CCSER1: variants seen among roughly 807,000 people sequenced by gnomAD.
CCSER1 encodes the protein serine-rich coiled-coil domain-containing protein 1.
Under a neutral mutation model 82.0 loss-of-function variants are expected in CCSER1, and 41 were observed. The ratio of observed to expected loss-of-function variants is 0.50; its 90% CI spans 0.39 to 0.65. The LOEUF is 0.65. CCSER1 is among the 30% of genes least tolerant of loss of function. The pLI, the probability that CCSER1 is intolerant of heterozygous loss-of-function variation, is 0.00. For missense variants in CCSER1, 1,119 were observed against 1,064.2 expected, an observed-to-expected ratio of 1.05 and a Z score of -0.72; for synonymous variants, 414 against 383.9, an observed-to-expected ratio of 1.08 and a Z score of -0.92.
intron 10 of CCSER1, among the ~76,000 whole-genome samples, chr4:91,280,782 TG>T (rs1742857021): frequency 6.6e-6 from 1 of 152,120 alleles, no homozygotes; most frequent in Non-Finnish European, 1.5e-5. Flanking sequence ...GGCTCACACT[TG>T]GGCTCTGACA....
At chr4:91,512,167 G>T (rs1464198160) in intron 10 of CCSER1, among the ~76,000 whole-genome samples, 4 of 152,060 alleles carry the variant, frequency 2.6e-5, no homozygotes, top group Admixed American at 2.6e-4. Context: ...ACCGTTTTTG[G>T]GTGTGTCTAT....
chr4:90,500,583 C>A (rs1239672206), intron 5 of CCSER1, among the ~76,000 whole-genome samples: 1 of 152,024 alleles, frequency 6.6e-6, no homozygotes, highest in African/African-American at 2.4e-5. Flanking sequence ...TACCCGCCAA[C>A]TCCTCCTAAA....
At chr4:90,163,056 G>A (rs1190927705) in intron 1 of CCSER1, among the ~76,000 whole-genome samples, 1 of 152,036 alleles carries the variant, frequency 6.6e-6, no homozygotes, top group Non-Finnish European at 1.5e-5. Context: ...CATTTTGAAA[G>A]AAGAGATGCA....
intron 10 of CCSER1, among the ~76,000 whole-genome samples, chr4:91,257,278 T>C (rs193016859): frequency 6.6e-6 from 1 of 152,278 alleles, no homozygotes; most frequent in African/African-American, 2.4e-5. Context: ...AGTAGTCCAC[T>C]AACAAAGTAA....
chr4:90,838,630 T>C (rs957997022), intron 8 of CCSER1, among the ~76,000 whole-genome samples: 12 of 152,180 alleles, frequency 7.9e-5, no homozygotes, highest in African/African-American at 2.9e-4. Context: ...TTGGTTTTAC[T>C]CTAGATTTCA....
At chr4:90,636,710 C>A (rs1725477062) in intron 6 of CCSER1, among the ~76,000 whole-genome samples, 1 of 152,082 alleles carries the variant, frequency 6.6e-6, no homozygotes, top group African/African-American at 2.4e-5. Flanking sequence ...AAGGGAACTT[C>A]TATAGCTAAT....
intron 10 of CCSER1, among the ~76,000 whole-genome samples, chr4:91,214,861 T>G (rs961345101): frequency 6.6e-6 from 1 of 152,146 alleles, no homozygotes; most frequent in Admixed American, 6.5e-5. Flanking sequence ...ATCCTTTTAC[T>G]TGAAATTTCA....
intron 10 of CCSER1, among the ~76,000 whole-genome samples, chr4:91,254,027 G>A (rs1032214009): frequency 1.3e-5 from 2 of 152,184 alleles, no homozygotes; most frequent in African/African-American, 4.8e-5. Flanking sequence ...AATTCAACAT[G>A]AGATTTGGTC....
rs187743966 is a variant in CCSER1, at chr4:90,444,780, G to A, written c.1604-23454G>A. Among the ~76,000 whole-genome samples the A allele has an allele frequency of 1.2e-4, 18 of 151,856 alleles. No individual in the cohort carries two copies. The East Asian group carries it at 2.5e-3, about 21-fold the overall frequency. ...ATGTTTTATGTACATATAGTATTTC[G>A]ACAATACCTTTATTAAAAGGGTGAA... On this transcript the variant is annotated intron_variant, in intron 4 of 10. Coordinates refer to ENST00000509176, the MANE Select transcript of CCSER1 (RefSeq NM_001145065.2).
chr4:90,705,754 G>A (rs979836224), intron 6 of CCSER1, among the ~76,000 whole-genome samples: 5 of 152,238 alleles, frequency 3.3e-5, no homozygotes, highest in Non-Finnish European at 5.9e-5. Context: ...AGGCTCCATG[G>A]TCGTGGGACC....
chr4:90,979,446 A>G (rs1336178724), intron 9 of CCSER1, among the ~76,000 whole-genome samples: 1 of 151,688 alleles, frequency 6.6e-6, no homozygotes, highest in East Asian at 1.9e-4. Context: ...TTCTGGATAG[A>G]TGTTATGAAA....
chr4:91,295,398 ATT>A (rs1744077175), intron 10 of CCSER1, among the ~76,000 whole-genome samples: 1 of 151,876 alleles, frequency 6.6e-6, no homozygotes, highest in African/African-American at 2.4e-5. Flanking sequence ...AAGAGGCAAA[ATT>A]TTTACTACAG....
chr4:90,745,725 T>G (rs1260516885), intron 7 of CCSER1, among the ~76,000 whole-genome samples: 1 of 124,556 alleles, frequency 8.0e-6, no homozygotes, highest in East Asian at 2.7e-4. Flanking sequence ...AGTCTTGCTC[T>G]GCCACCCAGG....
At position 90,368,901 on chromosome 4, in the gene CCSER1, GCTGT is replaced by G. The variant is rs564928416; in HGVS notation, c.1510-31130_1510-31127del. On this transcript the variant is annotated intron_variant, in intron 3 of 10. Coordinates refer to ENST00000509176, the MANE Select transcript of CCSER1 (RefSeq NM_001145065.2). ...ATTAGAAGCAAAACTTATGGATGTT[GCTGT>G]CTGTGTCAGAAAGAAATACAAACCC... Among the ~76,000 whole-genome samples, 154 of 151,968 alleles carry G rather than the reference GCTGT, an allele frequency of 1.0e-3. 1 individual carries two copies. Among genetic ancestry groups the G allele is most frequent in the African/African-American group, 3.6e-3 (150 of 41,516 alleles).
At chr4:91,308,478 GT>G (rs1745228875) in intron 10 of CCSER1, among the ~76,000 whole-genome samples, 1 of 151,990 alleles carries the variant, frequency 6.6e-6, no homozygotes, top group African/African-American at 2.4e-5. Flanking sequence ...AGCAAGCGGT[GT>G]TGTCTGGGCC....
intron 10 of CCSER1, among the ~76,000 whole-genome samples, chr4:91,448,529 T>G (rs1340353796): frequency 6.6e-6 from 1 of 152,106 alleles, no homozygotes; most frequent in Non-Finnish European, 1.5e-5. Context: ...TGGTCTTAGA[T>G]AGAGTTGCTT....
chr4:91,176,043 G>A (rs1445176175), intron 10 of CCSER1, among the ~76,000 whole-genome samples: 2 of 152,164 alleles, frequency 1.3e-5, no homozygotes, highest in African/African-American at 2.4e-5. Context: ...TCTACATATG[G>A]CTAGCCAGTT....
intron 10 of CCSER1, among the ~76,000 whole-genome samples, chr4:91,358,629 G>A (rs149031586): frequency 5.3e-5 from 8 of 152,214 alleles, no homozygotes; most frequent in Non-Finnish European, 1.0e-4. Context: ...GCACGCTGTG[G>A]GTGATCAGGC....
intron 1 of CCSER1, among the ~76,000 whole-genome samples, chr4:90,187,918 A>G (rs890073123): frequency 1.3e-5 from 2 of 151,938 alleles, no homozygotes; most frequent in African/African-American, 2.4e-5. Flanking sequence ...AAGCTCATCA[A>G]CAACAAAAAA....
Sources: gnomAD v4.1 joint callset for allele counts (sites outside exome capture counted in the v4.1 genomes callset) on GRCh38, gnomAD v4.1.1 for gene constraint, MANE v1.5 for transcripts, NCBI Gene and HGNC (gene_info 2026-07-23, HGNC 2026-07-21) for gene names.